The following TTYH3 variants were observed in gnomAD, a reference collection of about 807,000 sequenced individuals.
TTYH3 encodes protein tweety homolog 3.
A neutral mutation model predicts 68.2 loss-of-function variants in TTYH3; 23 were observed. The ratio of observed to expected loss-of-function variants is 0.34; its 90% CI spans 0.24 to 0.48. The LOEUF (loss-of-function observed/expected upper bound fraction) is 0.48. Among genes scored for constraint, TTYH3 ranks in the 20% least tolerant of loss-of-function variants. The pLI is 0.99. For synonymous variants in TTYH3, 360 were observed against 332.8 expected (o/e 1.08, Z -0.89); for missense variants, 768 against 727.7 (o/e 1.06, Z -0.64).
At chr7:2,658,847 TG>T in intron 12 of TTYH3, 92 bp from the exon 13 acceptor site, 1 of 1,234,352 alleles carries the variant, frequency 8.1e-7, no homozygotes, top group Non-Finnish European at 1.2e-6. Flanking sequence ...TGTGCCCATC[TG>T]GGCACAGCGG....
chr7:2,634,731 G>A (rs1367561979), intron 1 of TTYH3, among the ~76,000 whole-genome samples: 1 of 152,176 alleles, frequency 6.6e-6, no homozygotes, highest in Non-Finnish European at 1.5e-5. Flanking sequence ...GCGTGGGACT[G>A]CCTGTCACTA....
chr7:2,658,396 G>A lies in TTYH3; in HGVS notation c.1361G>A (p.Gly454Asp), dbSNP rs1442930176. Residue 454 changes from glycine to aspartate, a missense_variant, in exon 12 of 14, where the codon GGC (glycine) becomes GAC (aspartate). Gly to Asp is a moderately conservative substitution (Grantham distance 94). Coordinates refer to ENST00000258796, the MANE Select transcript of TTYH3 (RefSeq NM_025250.3). ...PSLYSCGSSY[G>D]SETSIPAAAH... ...CTGTACAGCTGTGGCAGCAGCTACG[G>A]CAGTGAGACCAGCATCCCGGCCGCG... 21 of 1,612,308 alleles carry A rather than the reference G, an allele frequency of 1.3e-5. No individual in the cohort carries two copies. The highest frequency in any genetic ancestry group is 2.2e-5 in the South Asian group (2 of 91,040).
At chr7:2,657,484 G>A (rs373180913) in intron 11 of TTYH3, among the ~76,000 whole-genome samples, 1 of 152,080 alleles carries the variant, frequency 6.6e-6, no homozygotes, top group African/African-American at 2.4e-5. Flanking sequence ...TGGTGATGTC[G>A]GTGATGGTGG....
chr7:2,651,167 C>G (rs990440449), intron 7 of TTYH3, among the ~76,000 whole-genome samples: 13 of 152,096 alleles, frequency 8.5e-5, no homozygotes, highest in Non-Finnish European at 1.6e-4. Context: ...TCAGGCCCCC[C>G]TTGTGGAATT....
At chr7:2,646,713 A>G (rs1283836928) in intron 1 of TTYH3, 140 bp from the exon 2 acceptor site, 10 of 915,776 alleles carry the variant, frequency 1.1e-5, no homozygotes, top group East Asian at 5.3e-5. Flanking sequence ...TGCCTCACCT[A>G]CAAGTCGGGG....
At position 2,645,898 on chromosome 7, in the gene TTYH3, C is replaced by T. The variant is rs563346788; in HGVS notation, c.124-955C>T. ...CTGCCAGGACTCAGGTAGGAGAGTTCTGGGCCTGAGACGGGGACGGGCTCT... is the reference window on the plus strand; with the variant it reads ...CTGCCAGGACTCAGGTAGGAGAGTTTTGGGCCTGAGACGGGGACGGGCTCT... On this transcript the variant is annotated intron_variant, in intron 1 of 13. Transcript: ENST00000258796. This position sits in a 1 kb window ranked among gnomAD's most constrained non-coding sequence, Gnocchi z 4.8. 1.5e-5 allele frequency: 7 copies of T among 469,524 alleles called. No homozygotes were observed. The highest frequency in any genetic ancestry group is 3.1e-5 in the Non-Finnish European group (7 of 226,298). The allele number at this position is 469,524 out of a possible 1,614,324, so 29.1% of individuals were successfully genotyped here.
chr7:2,635,592 A>G (rs1785636172), intron 1 of TTYH3, among the ~76,000 whole-genome samples: 1 of 152,162 alleles, frequency 6.6e-6, no homozygotes, highest in African/African-American at 2.4e-5. Context: ...GGCTTCCTGC[A>G]GGAGGTGGTG....
Position 2,649,694 on chromosome 7 carries a change from G to C in TTYH3, c.795+55G>C, listed in dbSNP as rs962104240. 3.2e-5 allele frequency: 50 copies of C among 1,556,410 alleles called. No individual in the cohort carries two copies. In the Admixed American group the frequency reaches 9.0e-4, roughly 28 times the overall value. On this transcript the variant is annotated intron_variant, in intron 6 of 13. Coordinates refer to ENST00000258796, the MANE Select transcript of TTYH3 (RefSeq NM_025250.3). ...CTGCTGGACCTGGGCACTGGGGGAG[G>C]GACGAGGGGAAGCCACACTCCTCTC...
chr7:2,636,240 C>T (rs1163497556), intron 1 of TTYH3, among the ~76,000 whole-genome samples: 1 of 152,246 alleles, frequency 6.6e-6, no homozygotes, highest in Non-Finnish European at 1.5e-5. Context: ...TCATCCTCCC[C>T]ACTCATCAGA....
At chr7:2,652,776 T>C in intron 8 of TTYH3, 142 bp from the exon 9 acceptor site, 3 of 659,612 alleles carry the variant, frequency 4.5e-6, no homozygotes, top group East Asian at 2.7e-5. Flanking sequence ...GGGCAGGGAG[T>C]GCCCTGTTGG....
chr7:2,661,892 C>CT lies in TTYH3; in HGVS notation c.*153_*154insT. The CT allele has an allele frequency of 1.3e-6, 1 of 796,166 alleles. No homozygotes were observed. The highest frequency in any genetic ancestry group is 2.0e-6 in the Non-Finnish European group (1 of 492,944). 49.3% of individuals were successfully genotyped at this position (796,166 alleles called of 1,614,324 possible). ...GCCGCTTGCCCTCCTGTCCCCTCCC[C>CT]GCAGGGGCACAGTGGAGACGCAGGG... On this transcript the variant is annotated 3_prime_UTR_variant, in exon 14 of 14. Transcript: ENST00000258796.
In TTYH3 at chr7:2,658,479, G is replaced by C. The variant is rs1466710381; in HGVS notation, c.1424+20G>C. 1 of 1,595,020 alleles carries C rather than the reference G, an allele frequency of 6.3e-7. No individual in the cohort carries two copies. Among genetic ancestry groups the C allele is most frequent in the Admixed American group, 1.7e-5 (1 of 59,136 alleles). ...GTACATGTGAGTTGACGTGGGCCTA[G>C]TGGGGCCAGCGGACACGTCAGCTGC... On this transcript the variant is annotated intron_variant, in intron 12 of 13. Transcript: ENST00000258796.
intron 1 of TTYH3, among the ~76,000 whole-genome samples, chr7:2,635,111 G>T (rs888096197): frequency 6.6e-6 from 1 of 152,178 alleles, no homozygotes; most frequent in Non-Finnish European, 1.5e-5. Flanking sequence ...TCACAGGAGG[G>T]ATTTGGAGGC....
intron 1 of TTYH3, among the ~76,000 whole-genome samples, chr7:2,642,420 T>C (rs1463577575): frequency 6.6e-6 from 1 of 151,192 alleles, no homozygotes; most frequent in Non-Finnish European, 1.5e-5. Flanking sequence ...TGCATGCCTC[T>C]AGTCCCAGCT....
chr7:2,659,223 C>T (rs765570013), intron 13 of TTYH3, among the ~76,000 whole-genome samples: 1 of 152,186 alleles, frequency 6.6e-6, no homozygotes, highest in Non-Finnish European at 1.5e-5. Context: ...CTGGGTGGGA[C>T]TGCCAGCTCC....
intron 9 of TTYH3, among the ~76,000 whole-genome samples, chr7:2,654,837 T>C (rs893680812): frequency 1.3e-5 from 2 of 152,068 alleles, no homozygotes. Context: ...CAGGCTGGAG[T>C]GCAGTGGCGC....
chr7:2,642,157 G>C (rs1785863997), intron 1 of TTYH3, among the ~76,000 whole-genome samples: 1 of 152,240 alleles, frequency 6.6e-6, no homozygotes, highest in Non-Finnish European at 1.5e-5. Flanking sequence ...CACTTTGGGA[G>C]GCCGAGGCAG....
chr7:2,639,963 G>A (rs1190295725), intron 1 of TTYH3, among the ~76,000 whole-genome samples: 2 of 151,574 alleles, frequency 1.3e-5, no homozygotes, highest in Non-Finnish European at 2.9e-5. Context: ...CAATGCCTCG[G>A]GCAGCCATCA....
intron 1 of TTYH3, among the ~76,000 whole-genome samples, chr7:2,640,319 C>T (rs896115958): frequency 5.9e-5 from 9 of 152,178 alleles, no homozygotes; most frequent in Non-Finnish European, 1.2e-4. Flanking sequence ...TGGCACAGAG[C>T]GGCGTGTGGG....
Sources: allele counts gnomAD v4.1 joint callset (sites outside exome capture counted in the v4.1 genomes callset), GRCh38; gene constraint gnomAD v4.1.1; non-coding constraint Gnocchi (gnomAD v3.1); transcripts MANE v1.5; gene names NCBI Gene and HGNC (gene_info 2026-07-23, HGNC 2026-07-21).